The following CACNA1A variants were observed in gnomAD, a reference collection of about 807,000 sequenced individuals.
CACNA1A encodes calcium voltage-gated channel subunit alpha1 A, also known as voltage-dependent P/Q-type calcium channel subunit alpha-1A.
In CACNA1A, 57 loss-of-function variants were observed where a neutral mutation model predicts 262.4. That is an observed-to-expected ratio of 0.22 (90% CI 0.18 to 0.27). CACNA1A has a LOEUF of 0.27. Among genes scored for constraint, CACNA1A ranks in the 10% least tolerant of loss-of-function variants. The pLI, the probability that CACNA1A is intolerant of heterozygous loss-of-function variation, is 1.00. For missense variants in CACNA1A, 2,526 were observed against 3,562.8 expected (o/e 0.71, Z 7.41); for synonymous variants, 1,431 against 1,419.3 (o/e 1.01, Z -0.18).
intron 3 of CACNA1A, among the ~76,000 whole-genome samples, chr19:13,379,520 G>A (rs1225569576): frequency 6.6e-6 from 1 of 152,148 alleles, no homozygotes; most frequent in Non-Finnish European, 1.5e-5. Context: ...CACAGAGCAA[G>A]GGGAAAGGAC....
rs993408553 is a variant in CACNA1A, at chr19:13,278,341, T to C, written c.3823-1213A>G. ...TCTCTCCCTTGCTCACTTCCTTTTG[T>C]TCCCCAAGATGCTTCCACCTCAGGG... On this transcript the variant is annotated intron_variant, in intron 22 of 46. Coordinates refer to ENST00000360228, the MANE Select transcript of CACNA1A (RefSeq NM_001127222.2). Among the ~76,000 whole-genome samples, 3 of 152,194 alleles carry C rather than the reference T, an allele frequency of 2.0e-5. No homozygotes were observed. The South Asian group carries it at 6.2e-4, about 32-fold the overall frequency.
At chr19:13,340,695 G>A (rs2058664115) in intron 6 of CACNA1A, among the ~76,000 whole-genome samples, 1 of 152,128 alleles carries the variant, frequency 6.6e-6, no homozygotes, top group Non-Finnish European at 1.5e-5. Context: ...CCAAAGTGCT[G>A]GGATTACAGG....
intron 35 of CACNA1A, among the ~76,000 whole-genome samples, chr19:13,230,580 A>ACTTGAGGTCAG (rs1568442180): frequency 1.4e-3 from 210 of 151,788 alleles, no homozygotes; most frequent in African/African-American, 4.9e-3. Context: ...CGAGGTGGAC[A>ACTTGAGGTCAG]GATCACTTGA....
chr19:13,348,285 C>G (rs1444978100), intron 6 of CACNA1A, among the ~76,000 whole-genome samples: 1 of 151,504 alleles, frequency 6.6e-6, no homozygotes, highest in African/African-American at 2.4e-5. Context: ...TTGACATTCA[C>G]CAAAGGAGAG....
Position 13,506,439 on chromosome 19 carries a change from G to A in CACNA1A, c.-215C>T, listed in dbSNP as rs1220738899. ...AGAAGGCGGCTGCCCGGGCCGAGCC[G>A]GGGATAGCAGCTCGGGACATCTTCC... On this transcript the variant is annotated 5_prime_UTR_variant, in exon 1 of 47. Transcript: ENST00000360228. 6 of 382,574 alleles carry A rather than the reference G, an allele frequency of 1.6e-5. No individual in the cohort carries two copies. The highest frequency in any genetic ancestry group is 2.5e-4 in the South Asian group (2 of 7,908). 23.7% of individuals were successfully genotyped at this position (382,574 alleles called of 1,614,324 possible). A position where few individuals can be genotyped will look rare whatever the true frequency, so the allele number is the denominator to read the frequency against.
chr19:13,208,600 C>T (rs913702694), intron 46 of CACNA1A, among the ~76,000 whole-genome samples, 156 bp downstream of exon 46: 2 of 152,038 alleles, frequency 1.3e-5, no homozygotes, highest in East Asian at 1.9e-4. Context: ...CCGCTCCGGC[C>T]GCCGGGCACC....
At chr19:13,326,386 A>G (rs1190880054) in intron 10 of CACNA1A, among the ~76,000 whole-genome samples, 3 of 152,172 alleles carry the variant, frequency 2.0e-5, no homozygotes, top group Non-Finnish European at 2.9e-5. Flanking sequence ...CATGTAAATG[A>G]TTCAAGTTCC....
chr19:13,386,390 C>G (rs997092680), intron 3 of CACNA1A, among the ~76,000 whole-genome samples: 1 of 152,098 alleles, frequency 6.6e-6, no homozygotes, highest in Non-Finnish European at 1.5e-5. Context: ...ATTTTTTCCC[C>G]GTGAGATGAG....
At chr19:13,209,090 G>C in intron 45 of CACNA1A, 81 bp from the exon 46 acceptor site, 1 of 1,518,678 alleles carries the variant, frequency 6.6e-7, no homozygotes. Context: ...GAGGCCACCT[G>C]GAAGGTGTGG....
chr19:13,503,733 T>G (rs1019791261), intron 1 of CACNA1A, among the ~76,000 whole-genome samples: 52 of 149,444 alleles, frequency 3.5e-4, no homozygotes, highest in Non-Finnish European at 1.2e-4. Context: ...GAGTTTTCCC[T>G]TCCAGAGTAG....
chr19:13,213,119 C>T (rs2054878493), intron 40 of CACNA1A, among the ~76,000 whole-genome samples: 1 of 152,164 alleles, frequency 6.6e-6, no homozygotes, highest in Admixed American at 6.5e-5. Flanking sequence ...AGCCAGAGTC[C>T]TTCCTGCAGC....
intron 3 of CACNA1A, among the ~76,000 whole-genome samples, chr19:13,399,530 C>G (rs1339679291): frequency 1.3e-5 from 2 of 151,954 alleles, no homozygotes; most frequent in African/African-American, 4.8e-5. Flanking sequence ...GAAAAAAGTT[C>G]CCAAATCGCT....
chr19:13,298,662 C>T lies in CACNA1A; in HGVS notation c.2971G>A (p.Gly991Ser), dbSNP rs2057722310. The change falls in exon 19 of 47, where the codon GGC becomes AGC. Residue 991 changes from glycine to serine, a missense_variant. Gly to Ser is a moderately conservative substitution (Grantham distance 56). Around this residue, in one of 17 missense-constraint regions of CACNA1A, gnomAD observed 765 missense variants for 748.6 expected, o/e 1.02. Coordinates refer to ENST00000360228, the MANE Select transcript of CACNA1A (RefSeq NM_001127222.2). Reference protein sequence around the residue: ...EGSRPARGGEGEGEGPDGGER... With the variant: ...EGSRPARGGESEGEGPDGGER... ...CCCCCGTCGGGGCCCTCGCCCTCGC[C>T]CTCGCCGCCCCGGGCCGGCCGGCTG... is the stretch of plus-strand genomic sequence containing the variant. The T allele has an allele frequency of 6.7e-7, 1 of 1,498,048 alleles. No homozygotes were observed. Among genetic ancestry groups the T allele is most frequent in the African/African-American group, 1.5e-5 (1 of 68,288 alleles). The allele number at this position is 1,498,048 out of a possible 1,614,324, so 92.8% of individuals were successfully genotyped here. A position where few individuals can be genotyped will look rare whatever the true frequency, so the allele number is the denominator to read the frequency against.
intron 1 of CACNA1A, among the ~76,000 whole-genome samples, chr19:13,496,278 G>A (rs866956830): frequency 6.6e-6 from 1 of 152,212 alleles, no homozygotes; most frequent in African/African-American, 2.4e-5. Flanking sequence ...TCCAATTTGT[G>A]TAAGACCCAA....
intron 6 of CACNA1A, among the ~76,000 whole-genome samples, chr19:13,356,154 C>T (rs1403541031): frequency 1.3e-5 from 2 of 152,214 alleles, no homozygotes; most frequent in Non-Finnish European, 2.9e-5. Context: ...TCCACTTCCT[C>T]AGGCACTGCT....
intron 38 of CACNA1A, among the ~76,000 whole-genome samples, chr19:13,219,322 G>A (rs923416643): frequency 3.9e-5 from 6 of 152,142 alleles, no homozygotes; most frequent in Non-Finnish European, 8.8e-5. Flanking sequence ...GATTACAGGC[G>A]TGAGCCACCG....
intron 22 of CACNA1A, among the ~76,000 whole-genome samples, chr19:13,278,488 G>C (rs1337849588): frequency 6.6e-6 from 1 of 152,040 alleles, no homozygotes; most frequent in Admixed American, 6.6e-5. Context: ...TCCCCTGACC[G>C]GCTGTTTAAA....
chr19:13,231,280 G>A (rs2055657201), intron 35 of CACNA1A, among the ~76,000 whole-genome samples: 1 of 151,722 alleles, frequency 6.6e-6, no homozygotes, highest in African/African-American at 2.4e-5. Context: ...CTCCCGAAGT[G>A]TTGGGATTAC....
At chr19:13,219,690 C>A (rs1402049672) in intron 38 of CACNA1A, among the ~76,000 whole-genome samples, 4 of 152,132 alleles carry the variant, frequency 2.6e-5, no homozygotes, top group Non-Finnish European at 4.4e-5. Flanking sequence ...TGCGGTGGCT[C>A]ACGCCTGTAA....
Sources: allele counts gnomAD v4.1 joint callset (sites outside exome capture counted in the v4.1 genomes callset), GRCh38; gene constraint gnomAD v4.1.1; regional missense constraint gnomAD v4.1.1; transcripts MANE v1.5; gene names NCBI Gene and HGNC (gene_info 2026-07-23, HGNC 2026-07-21).